EXOC6B: variants seen among roughly 807,000 people sequenced by gnomAD.
The protein encoded by EXOC6B is exocyst complex component 6B, also known as SEC15 homolog B.
Under a neutral mutation model 113.5 loss-of-function variants are expected in EXOC6B, and 54 were observed. The observed-to-expected ratio is 0.48, with a 90% CI of 0.38 to 0.60. EXOC6B has a LOEUF of 0.60. EXOC6B is among the 20% of genes least tolerant of loss of function. The pLI is 0.00. For missense variants in EXOC6B, 797 were observed against 977.5 expected (o/e 0.82, Z 2.46); for synonymous variants, 357 against 339.0 (o/e 1.05, Z -0.58).
chr2:72,421,395 A>G (rs1407306060), intron 18 of EXOC6B, among the ~76,000 whole-genome samples: 1 of 152,156 alleles, frequency 6.6e-6, no homozygotes, highest in Non-Finnish European at 1.5e-5. Context: ...ATCTTTTTAA[A>G]ATTATTTTAT....
At chr2:72,636,516 AG>A (rs1274223182) in intron 6 of EXOC6B, among the ~76,000 whole-genome samples, 2 of 129,954 alleles carry the variant, frequency 1.5e-5, no homozygotes, top group African/African-American at 9.0e-5. Context: ...GAGAGAAAGA[AG>A]GAAGAAGAAG....
At chr2:72,806,613 T>C (rs1685589586) in intron 1 of EXOC6B, among the ~76,000 whole-genome samples, 1 of 152,358 alleles carries the variant, frequency 6.6e-6, no homozygotes, top group Middle Eastern at 3.4e-3. Context: ...TCCAAACTAC[T>C]TTCCACAGTG....
chr2:72,425,040 C>T (rs1695124703), intron 18 of EXOC6B, among the ~76,000 whole-genome samples: 1 of 152,160 alleles, frequency 6.6e-6, no homozygotes, highest in African/African-American at 2.4e-5. Context: ...CTCTATGTGT[C>T]CATGTGTTCT....
At chr2:72,371,732 A>C (rs1338186553) in intron 19 of EXOC6B, among the ~76,000 whole-genome samples, 1 of 152,198 alleles carries the variant, frequency 6.6e-6, no homozygotes, top group East Asian at 1.9e-4. Flanking sequence ...ATCATACTGA[A>C]TGGAGAAAAA....
intron 20 of EXOC6B, among the ~76,000 whole-genome samples, chr2:72,264,993 C>T (rs929213681): frequency 6.6e-6 from 1 of 151,910 alleles, no homozygotes; most frequent in Non-Finnish European, 1.5e-5. Flanking sequence ...GAGGTAGCTG[C>T]TATAAAGATA....
At chr2:72,262,358 T>C (rs973908698) in intron 20 of EXOC6B, among the ~76,000 whole-genome samples, 1 of 151,934 alleles carries the variant, frequency 6.6e-6, no homozygotes, top group South Asian at 2.1e-4. Context: ...AGAGGCCCAA[T>C]ACTATAGCCC....
At chr2:72,330,859 C>T (rs927130205) in intron 20 of EXOC6B, among the ~76,000 whole-genome samples, 1 of 151,988 alleles carries the variant, frequency 6.6e-6, no homozygotes, top group African/African-American at 2.4e-5. Flanking sequence ...TTTCTTGGAA[C>T]TCTGCCAAGA....
chr2:72,671,783 GA>G (rs201206198), intron 6 of EXOC6B, among the ~76,000 whole-genome samples: 1 of 106,088 alleles, frequency 9.4e-6, no homozygotes, highest in Non-Finnish European at 1.9e-5. Flanking sequence ...AAGAAAGAAA[GA>G]AAGAAAGAAA....
intron 11 of EXOC6B, among the ~76,000 whole-genome samples, chr2:72,512,259 A>G (rs555100383): frequency 2.6e-5 from 4 of 151,790 alleles, no homozygotes; most frequent in Non-Finnish European, 4.4e-5. Flanking sequence ...AAGACTATCT[A>G]TCTTGTTCAT....
intron 18 of EXOC6B, among the ~76,000 whole-genome samples, chr2:72,406,613 T>A (rs1461654972): frequency 6.6e-6 from 1 of 152,060 alleles, no homozygotes; most frequent in Non-Finnish European, 1.5e-5. Context: ...ACTGGGTACA[T>A]AACGAAATGA....
intron 18 of EXOC6B, among the ~76,000 whole-genome samples, chr2:72,429,314 CTG>C (rs1465850003): frequency 6.6e-6 from 1 of 152,144 alleles, no homozygotes; most frequent in East Asian, 1.9e-4. Context: ...TGAAAGATAA[CTG>C]AAACATTTTT....
chr2:72,506,537 T>C (rs1373665339), intron 11 of EXOC6B, among the ~76,000 whole-genome samples: 1 of 152,196 alleles, frequency 6.6e-6, no homozygotes, highest in Non-Finnish European at 1.5e-5. Context: ...CCCTTCGATT[T>C]AGCTGAGTAA....
At chr2:72,643,461 T>C (rs1282668542) in intron 6 of EXOC6B, among the ~76,000 whole-genome samples, 1 of 149,178 alleles carries the variant, frequency 6.7e-6, no homozygotes. Flanking sequence ...ATGTCCTTTG[T>C]AGGGACATGG....
chr2:72,740,211 T>C (rs1681214764), intron 2 of EXOC6B, among the ~76,000 whole-genome samples: 2 of 152,168 alleles, frequency 1.3e-5, no homozygotes, highest in African/African-American at 4.8e-5. Context: ...TTGCTTTCCT[T>C]ACCAATATAT....
At chr2:72,216,694 A>C in intron 20 of EXOC6B, among the ~76,000 whole-genome samples, 1 of 152,246 alleles carries the variant, frequency 6.6e-6, no homozygotes, top group East Asian at 1.9e-4. Context: ...AATGTGGTAC[A>C]TATACACCAT....
intron 18 of EXOC6B, among the ~76,000 whole-genome samples, chr2:72,450,245 A>T (rs893331029): frequency 6.6e-6 from 1 of 152,194 alleles, no homozygotes; most frequent in Non-Finnish European, 1.5e-5. Context: ...TAGAAAAAAA[A>T]ATAGTAAAAC....
intron 5 of EXOC6B, among the ~76,000 whole-genome samples, chr2:72,724,346 AC>A (rs1219224143): frequency 6.6e-6 from 1 of 152,220 alleles, no homozygotes; most frequent in Non-Finnish European, 1.5e-5. Context: ...TAGATTATAG[AC>A]GGATCAAGTC....
intron 6 of EXOC6B, among the ~76,000 whole-genome samples, chr2:72,641,392 G>A (rs1452797171): frequency 3.9e-5 from 6 of 152,196 alleles, no homozygotes; most frequent in Non-Finnish European, 8.8e-5. Flanking sequence ...CTTAGCAAAC[G>A]GCACACCAGG....
At chr2:72,561,068 C>T (rs754765332) in intron 7 of EXOC6B, among the ~76,000 whole-genome samples, 1 of 152,016 alleles carries the variant, frequency 6.6e-6, no homozygotes, top group African/African-American at 2.4e-5. Context: ...AACATCTTTA[C>T]AGTCTCCTCT....
Sources: gnomAD v4.1 joint callset for allele counts (sites outside exome capture counted in the v4.1 genomes callset) on GRCh38, gnomAD v4.1.1 for gene constraint, MANE v1.5 for transcripts, NCBI Gene and HGNC (gene_info 2026-07-23, HGNC 2026-07-21) for gene names.